TRIM14: variants seen among roughly 807,000 people sequenced by gnomAD.
The protein encoded by TRIM14 is tripartite motif-containing protein 14.
TRIM14 carries 28 observed loss-of-function variants against 44.5 expected under a neutral mutation model. The ratio of observed to expected loss-of-function variants is 0.63; its 90% CI spans 0.47 to 0.86. The LOEUF (loss-of-function observed/expected upper bound fraction) is 0.86. Ranked by LOEUF, TRIM14 falls within the 40% of genes least tolerant of loss-of-function variation. The pLI is 0.00. For missense variants in TRIM14, 607 were observed against 611.1 expected (o/e 0.99, Z 0.07); for synonymous variants, 299 against 269.2 (o/e 1.11, Z -1.08).
the TRIM14 span, among the ~76,000 whole-genome samples, chr9:98,050,717 C>G: frequency 6.6e-6 from 1 of 152,098 alleles, no homozygotes; most frequent in Non-Finnish European, 1.5e-5. Flanking sequence ...CTCTCAGTTA[C>G]CATCATTTTG....
intron 4 of TRIM14, chr9:98,092,430 C>A: frequency 3.0e-6 from 1 of 334,066 alleles, no homozygotes; most frequent in South Asian, 2.3e-5. Context: ...GGACAGCCCC[C>A]CCACACCCTT....
chr9:98,096,515 G>C (rs1016606901), intron 3 of TRIM14, among the ~76,000 whole-genome samples: 3 of 152,164 alleles, frequency 2.0e-5, no homozygotes, highest in African/African-American at 7.2e-5. Flanking sequence ...CTGACACACA[G>C]GTTCTCAAAA....
chr9:98,058,865 G>A, the TRIM14 span, among the ~76,000 whole-genome samples: 1 of 152,066 alleles, frequency 6.6e-6, no homozygotes, highest in African/African-American at 2.4e-5. Context: ...TCTGGGCCTT[G>A]GGATCTTCAT....
At chr9:98,056,859 C>A in the TRIM14 span, 1 of 1,612,246 alleles carries the variant, frequency 6.2e-7, no homozygotes, top group African/African-American at 1.3e-5. Context: ...GCGGGCAACA[C>A]CCGTGCTTCA....
At chr9:98,088,957 G>T (rs1255694169) in intron 5 of TRIM14, among the ~76,000 whole-genome samples, 1 of 151,998 alleles carries the variant, frequency 6.6e-6, no homozygotes, top group East Asian at 1.9e-4. Flanking sequence ...GGATCACAGG[G>T]TATGTGGATA....
downstream of TRIM14, among the ~76,000 whole-genome samples, chr9:98,080,229 ATAAC>A (rs1829793292): frequency 6.6e-6 from 1 of 152,186 alleles, no homozygotes; most frequent in Non-Finnish European, 1.5e-5. Flanking sequence ...GAAATAATAA[ATAAC>A]AATAAAATAA....
Position 98,095,091 on chromosome 9 carries a change from G to A in TRIM14, c.538-62C>T. 1.3e-6 allele frequency: 2 copies of A among 1,549,076 alleles called. No homozygotes were observed. The highest frequency in any genetic ancestry group is 1.7e-6 in the Non-Finnish European group (2 of 1,152,466). The stretch of plus-strand genomic sequence containing the variant: ...GATGCAGGCAGCATCCCAGCCTCCT[G>A]TGCTGCACCCAGGAACAAACCCACA... On this transcript the variant is annotated intron_variant, in intron 3 of 5. Coordinates refer to ENST00000341469, the MANE Select transcript of TRIM14 (RefSeq NM_014788.4). The surrounding 1 kb of genome is among the most constrained non-coding windows in gnomAD (Gnocchi z 4.1).
intron 6 of TRIM14, chr9:98,076,872 G>GT (rs756940519): frequency 2.3e-5 from 35 of 1,493,860 alleles, no homozygotes; most frequent in Non-Finnish European, 2.9e-5. Flanking sequence ...TAACAACAGT[G>GT]TTTTTGGACA....
chr9:98,056,599 T>C, the TRIM14 span: 1 of 662,990 alleles, frequency 1.5e-6, no homozygotes, highest in Non-Finnish European at 2.4e-6. Flanking sequence ...CCGCCGCCCT[T>C]CCCGCGGGAG....
intron 6 of TRIM14, chr9:98,076,844 G>C: frequency 8.0e-7 from 1 of 1,243,726 alleles, no homozygotes; most frequent in East Asian, 2.4e-5. Context: ...CTACTTGTAT[G>C]TTATTCCTTG....
chr9:98,113,888 T>C (rs1017718011), intron 1 of TRIM14, among the ~76,000 whole-genome samples: 1 of 152,196 alleles, frequency 6.6e-6, no homozygotes, highest in Non-Finnish European at 1.5e-5. Flanking sequence ...ATTACCATTA[T>C]TTTGTAGTGA....
At chr9:98,088,099 A>C in intron 5 of TRIM14, 94 bp from the exon 6 acceptor site, 23 of 1,296,952 alleles carry the variant, frequency 1.8e-5, no homozygotes, top group Non-Finnish European at 2.1e-5. Flanking sequence ...AAATCACAAA[A>C]TGCGAAGCGC....
At chr9:98,061,057 C>G in the TRIM14 span, 10 of 1,556,006 alleles carry the variant, frequency 6.4e-6, no homozygotes, top group Admixed American at 6.7e-5. Context: ...AGCAGGCAGC[C>G]TGGTGACTTC....
chr9:98,054,962 T>G, the TRIM14 span, among the ~76,000 whole-genome samples: 2 of 152,156 alleles, frequency 1.3e-5, no homozygotes, highest in African/African-American at 4.8e-5. Context: ...CTGGCTGAGT[T>G]TTATTATTAC....
the TRIM14 span, among the ~76,000 whole-genome samples, chr9:98,057,865 C>A: frequency 7.9e-6 from 1 of 126,602 alleles, no homozygotes; most frequent in African/African-American, 3.0e-5. Context: ...GAGACAGGGT[C>A]TTGCTCTGTC....
the TRIM14 span, among the ~76,000 whole-genome samples, chr9:98,051,321 T>C: frequency 6.6e-6 from 1 of 152,192 alleles, no homozygotes; most frequent in African/African-American, 2.4e-5. Context: ...TCTACTCGCT[T>C]AACTAAGCAG....
chr9:98,056,973 G>C, the TRIM14 span: 1 of 1,542,772 alleles, frequency 6.5e-7, no homozygotes, highest in African/African-American at 1.4e-5. Context: ...CCGGGATTCG[G>C]GCGCCGGGAG....
intron 2 of TRIM14, among the ~76,000 whole-genome samples, chr9:98,103,381 T>C (rs1323860303): frequency 2.0e-5 from 3 of 152,074 alleles, no homozygotes; most frequent in Non-Finnish European, 4.4e-5. Context: ...TATTTGCAAG[T>C]GCAATTAAAA....
At position 98,087,436 on chromosome 9, in the gene TRIM14, G is replaced by A; in HGVS notation, c.*34C>T. The A allele has an allele frequency of 6.2e-7, 1 of 1,607,750 alleles. No homozygotes were observed. Among genetic ancestry groups the A allele is most frequent in the South Asian group, 1.1e-5 (1 of 90,608 alleles). On this transcript the variant is annotated 3_prime_UTR_variant, in exon 6 of 6. Transcript: ENST00000341469. Reference sequence around the variant, plus strand: ...GATTAGGCGAGACTGGGCAGCTGCGGCGTACCTGGAGGCTGTCACGCCGGT... The same window carrying A: ...GATTAGGCGAGACTGGGCAGCTGCGACGTACCTGGAGGCTGTCACGCCGGT...
Sources: gnomAD v4.1 joint callset for allele counts (sites outside exome capture counted in the v4.1 genomes callset) on GRCh38, gnomAD v4.1.1 for gene constraint, Gnocchi (gnomAD v3.1) non-coding constraint, MANE v1.5 for transcripts, NCBI Gene and HGNC (gene_info 2026-07-23, HGNC 2026-07-21) for gene names.